Variants in TRPM3 observed in about 807,000 individuals in gnomAD.
The protein encoded by TRPM3 is transient receptor potential cation channel subfamily M member 3, also known as long transient receptor potential channel 3.
TRPM3 carries 77 observed loss-of-function variants against 181.2 expected under a neutral mutation model. That is an observed-to-expected ratio of 0.42 (90% CI 0.35 to 0.51). TRPM3 has a LOEUF of 0.51. Among genes scored for constraint, TRPM3 ranks in the 20% least tolerant of loss-of-function variants. TRPM3 has a pLI of 0.01. For missense variants in TRPM3, 1,759 were observed against 2,196.7 expected (o/e 0.80, Z 3.98); for synonymous variants, 745 against 796.4 (o/e 0.94, Z 1.09).
chr9:70,553,037 T>C lies in TRPM3; in HGVS notation c.3381A>G (p.Thr1127=). 6.2e-7 allele frequency: 1 copy of C among 1,614,166 alleles called. No homozygotes were observed. The highest frequency in any genetic ancestry group is 8.5e-7 in the Non-Finnish European group (1 of 1,180,030). The stretch of plus-strand genomic sequence containing the variant: ...TGGATATCGATTTTACTTCAAAAAA[T>C]GTATTGCTAAAATAGAGACCAAAGA... ...VNLLIAVFNN[T]FFEVKSISNQ... is the part of the protein sequence containing the mutation. Residue 1127 remains threonine, a synonymous_variant, in exon 24 of 26, where the codon ACA becomes ACG. Coordinates refer to ENST00000677713, the MANE Select transcript of TRPM3 (RefSeq NM_001366145.2).
intron 1 of TRPM3, among the ~76,000 whole-genome samples, chr9:71,172,221 G>A (rs1245397543): frequency 6.6e-6 from 1 of 151,886 alleles, no homozygotes; most frequent in Non-Finnish European, 1.5e-5. Flanking sequence ...CAGGTGTTTT[G>A]GAGGAAGTGG....
chr9:71,325,786 G>C (rs113661392), intron 1 of TRPM3, among the ~76,000 whole-genome samples: 1 of 151,880 alleles, frequency 6.6e-6, no homozygotes, highest in Admixed American at 6.6e-5. Flanking sequence ...AGTGACGAAG[G>C]CTCTGCCACA....
At chr9:71,407,205 G>A (rs573184860) in intron 1 of TRPM3, among the ~76,000 whole-genome samples, 82 of 152,284 alleles carry the variant, frequency 5.4e-4, no homozygotes, top group African/African-American at 1.7e-3. Context: ...TGAGGTACCG[G>A]GTTCATCTCA....
chr9:70,984,150 A>G (rs2097396014), intron 1 of TRPM3, among the ~76,000 whole-genome samples: 1 of 152,230 alleles, frequency 6.6e-6, no homozygotes, highest in African/African-American at 2.4e-5. Flanking sequence ...AACAAGCTAC[A>G]TAAATTTTAA....
intron 1 of TRPM3, among the ~76,000 whole-genome samples, chr9:71,341,904 A>G (rs1325039404): frequency 6.6e-6 from 1 of 151,992 alleles, no homozygotes; most frequent in African/African-American, 2.4e-5. Context: ...GGGAGAAAAT[A>G]CTTGCAATAC....
In TRPM3 at chr9:71,256,285, T is replaced by C. The variant is rs140092616; in HGVS notation, c.183+190368A>G. Reference sequence around the variant, plus strand: ...AAATACAGCCTTGCCTCTGATTTCATTATAGTCCTAACTTTCTTGCACTGC... The same window carrying C: ...AAATACAGCCTTGCCTCTGATTTCACTATAGTCCTAACTTTCTTGCACTGC... On this transcript the variant is annotated intron_variant, in intron 1 of 24. Coordinates refer to the TRPM3 transcript ENST00000357533. 6.0e-4 allele frequency among the ~76,000 whole-genome samples: 91 copies of C among 152,250 alleles called. 1 individual carries two copies. In the East Asian group the frequency reaches 0.016, roughly 28 times the overall value.
intron 1 of TRPM3, among the ~76,000 whole-genome samples, chr9:71,035,842 T>A (rs2058116364): frequency 6.6e-6 from 1 of 152,156 alleles, no homozygotes; most frequent in Non-Finnish European, 1.5e-5. Flanking sequence ...CTTGAAGAAC[T>A]TATCATTCTA....
intron 1 of TRPM3, among the ~76,000 whole-genome samples, chr9:71,196,136 C>T (rs559883969): frequency 2.7e-5 from 4 of 148,764 alleles, no homozygotes; most frequent in Admixed American, 6.8e-5. Flanking sequence ...ATTTTATGTA[C>T]ATACGCATAT....
At chr9:70,664,638 G>A (rs7850599) in intron 9 of TRPM3, among the ~76,000 whole-genome samples, 48,929 of 131,808 alleles carry the variant, frequency 0.37, 9,303 homozygotes, top group African/African-American at 0.48. Context: ...GATTAGGAGA[G>A]TAGTTTTTTT....
At chr9:71,147,424 G>GACACACACACAGAC (rs2075476043) in intron 1 of TRPM3, among the ~76,000 whole-genome samples, 1 of 144,930 alleles carries the variant, frequency 6.9e-6, no homozygotes, top group African/African-American at 2.6e-5. Flanking sequence ...GCAACACACA[G>GACACACACACAGAC]ACACACACAC....
In TRPM3 at chr9:70,614,938, T is replaced by A. The variant is rs114692757; in HGVS notation, c.2526+970A>T. On this transcript the variant is annotated intron_variant, in intron 18 of 25. Coordinates refer to ENST00000677713, the MANE Select transcript of TRPM3 (RefSeq NM_001366145.2). ...GAGCTGAGCCGACTCCTCCACAGAT[T>A]TTTATACAAATCCTCAAACTGAAAC... Among the ~76,000 whole-genome samples the A allele has an allele frequency of 1.9e-3, 289 of 152,326 alleles. 1 individual carries two copies. The highest frequency in any genetic ancestry group is 6.7e-3 in the African/African-American group (277 of 41,572).
chr9:70,621,258 G>C lies in TRPM3; in HGVS notation c.1825C>G (p.Leu609Val). 1 of 1,600,230 alleles carries C rather than the reference G, an allele frequency of 6.2e-7. No homozygotes were observed. The highest frequency in any genetic ancestry group is 8.5e-7 in the Non-Finnish European group (1 of 1,173,446). ...FGPKRPKALKLLGMEDDIPLR... is the reference protein window; with the variant it reads ...FGPKRPKALKVLGMEDDIPLR... ...CAAACACTTACCTCCATTCCCAGCA[G>C]TTTCAAGGCTTTGGGCTGTTAAAAA... Residue 609 changes from leucine to valine, a missense_variant, in exon 15 of 26, where the codon CTG (leucine) becomes GTG (valine). Transcript: ENST00000677713.
intron 1 of TRPM3, among the ~76,000 whole-genome samples, chr9:70,904,118 C>T (rs2096428165): frequency 6.6e-6 from 1 of 152,024 alleles, no homozygotes; most frequent in African/African-American, 2.4e-5. Context: ...ACTACTCGGG[C>T]AGCTGAGGTG....
intron 6 of TRPM3, among the ~76,000 whole-genome samples, chr9:70,822,262 A>G (rs1160334014): frequency 6.6e-6 from 1 of 152,106 alleles, no homozygotes; most frequent in Non-Finnish European, 1.5e-5. Flanking sequence ...TTCCCTAGAG[A>G]CTAGTCCTCA....
intron 1 of TRPM3, among the ~76,000 whole-genome samples, chr9:70,969,089 G>C (rs1399521955): frequency 1.3e-5 from 2 of 152,084 alleles, no homozygotes; most frequent in Non-Finnish European, 2.9e-5. Context: ...TACAGAATGG[G>C]GGAAAATTTT....
intron 22 of TRPM3, among the ~76,000 whole-genome samples, chr9:70,556,748 T>C (rs1205622023): frequency 6.6e-6 from 1 of 152,130 alleles, no homozygotes; most frequent in Non-Finnish European, 1.5e-5. Flanking sequence ...CTCAAAACCC[T>C]GACTCTGCCA....
chr9:71,019,828 G>A (rs1249850346), intron 1 of TRPM3, among the ~76,000 whole-genome samples: 2 of 152,120 alleles, frequency 1.3e-5, no homozygotes, highest in African/African-American at 4.8e-5. Flanking sequence ...TAAAGCTAGA[G>A]TGTGTCAGTG....
At chr9:70,943,832 C>T (rs1039814528) in intron 1 of TRPM3, among the ~76,000 whole-genome samples, 1 of 152,134 alleles carries the variant, frequency 6.6e-6, no homozygotes, top group Non-Finnish European at 1.5e-5. Context: ...AGGGAAGTGG[C>T]ATGATCTCGG....
At chr9:70,568,420 G>A (rs779874899) in intron 22 of TRPM3, among the ~76,000 whole-genome samples, 4 of 152,140 alleles carry the variant, frequency 2.6e-5, no homozygotes, top group African/African-American at 4.8e-5. Flanking sequence ...AGGTATTAAG[G>A]TTATAGAGGC....
Sources: gnomAD v4.1 joint callset for allele counts (sites outside exome capture counted in the v4.1 genomes callset) on GRCh38, gnomAD v4.1.1 for gene constraint, MANE v1.5 for transcripts, NCBI Gene and HGNC (gene_info 2026-07-23, HGNC 2026-07-21) for gene names.